Variants in BANK1 observed in about 807,000 individuals in gnomAD.
BANK1 encodes B cell scaffold protein with ankyrin repeats 1, also known as B-cell scaffold protein with ankyrin repeats.
BANK1 carries 95 observed loss-of-function variants against 94.5 expected under a neutral mutation model. That is an observed-to-expected ratio of 1.00 (90% confidence interval 0.85 to 1.19). The LOEUF (loss-of-function observed/expected upper bound fraction) is 1.19. Among genes scored for constraint, BANK1 ranks in the 50% most tolerant of loss-of-function variants. The pLI is 0.00. For synonymous variants in BANK1, 334 were observed against 308.4 expected, an observed-to-expected ratio of 1.08 and a Z score of -0.87; for missense variants, 987 against 932.2, an observed-to-expected ratio of 1.06 and a Z score of -0.77.
intron 1 of BANK1, among the ~76,000 whole-genome samples, chr4:101,811,417 T>A (rs1021690614): frequency 6.6e-6 from 1 of 152,142 alleles, no homozygotes; most frequent in Admixed American, 6.6e-5. Flanking sequence ...ATTTAAAAGC[T>A]ACTCTCTTAT....
intron 2 of BANK1, among the ~76,000 whole-genome samples, chr4:101,853,723 G>C (rs1345568): frequency 0.071 from 10,755 of 152,106 alleles, 604 homozygotes; most frequent in East Asian, 0.18. Context: ...AACTTTTCTG[G>C]TCTGCTTGAG....
At chr4:101,941,253 T>A (rs990582736) in intron 7 of BANK1, among the ~76,000 whole-genome samples, 1 of 151,708 alleles carries the variant, frequency 6.6e-6, no homozygotes, top group Non-Finnish European at 1.5e-5. Context: ...TTTTCAGCAC[T>A]GTGTTTTGTA....
chr4:102,011,222 A>G (rs1468162658), intron 7 of BANK1, among the ~76,000 whole-genome samples: 1 of 152,226 alleles, frequency 6.6e-6, no homozygotes, highest in Non-Finnish European at 1.5e-5. Context: ...GTAGTAGACA[A>G]ATTTCTTCAA....
At chr4:101,936,250 G>A (rs984371085) in intron 7 of BANK1, among the ~76,000 whole-genome samples, 12 of 132,152 alleles carry the variant, frequency 9.1e-5, no homozygotes, top group Admixed American at 6.5e-4. Flanking sequence ...ATACATATAT[G>A]ACACACATAC....
At chr4:101,861,504 G>A (rs528877328) in intron 3 of BANK1, among the ~76,000 whole-genome samples, 1 of 152,032 alleles carries the variant, frequency 6.6e-6, no homozygotes, top group African/African-American at 2.4e-5. Context: ...TAAAAAGAAT[G>A]TTTTATTTTA....
chr4:101,832,558 T>C (rs1022449539), intron 2 of BANK1, among the ~76,000 whole-genome samples: 4 of 152,164 alleles, frequency 2.6e-5, no homozygotes, highest in Admixed American at 2.0e-4. Flanking sequence ...CATGAGTTTC[T>C]CTTTCTCTGT....
chr4:102,031,848 A>G (rs1727327465), intron 10 of BANK1, among the ~76,000 whole-genome samples: 1 of 152,228 alleles, frequency 6.6e-6, no homozygotes, highest in African/African-American at 2.4e-5. Context: ...AGAGATTCAT[A>G]TAAGAAAATT....
At chr4:101,979,107 G>C (rs1037024611) in intron 7 of BANK1, among the ~76,000 whole-genome samples, 11 of 151,878 alleles carry the variant, frequency 7.2e-5, no homozygotes, top group Admixed American at 7.2e-4. Flanking sequence ...ATAAAATAAA[G>C]ATCCAATATA....
chr4:102,062,514 T>C (rs577070558), intron 12 of BANK1: 3 of 152,356 alleles, frequency 2.0e-5, no homozygotes, highest in South Asian at 4.1e-4. Context: ...TACATTTTGC[T>C]TAAAAAGATA....
At chr4:101,813,788 G>T in intron 1 of BANK1, 1 of 827,174 alleles carries the variant, frequency 1.2e-6, no homozygotes. Context: ...TTCTGCGGGT[G>T]GTAGGAGACA....
At position 102,060,308 on chromosome 4, in the gene BANK1, T is replaced by A; in HGVS notation, c.2067T>A (p.Asn689Lys). ...TCCTCCTGCAGGAGAAAGTAAAGAA[T>A]GGGAAAATGTCTATGGATGAAGCTC... ...ELILLQEKVK[N>K]GKMSMDEALE... Residue 689 changes from asparagine to lysine, a missense_variant, in exon 12 of 17, where the codon AAT becomes AAA. Physicochemically the swap from Asn to Lys is moderately conservative, Grantham distance 94. Transcript: ENST00000322953. The A allele has an allele frequency of 1.2e-6, 2 of 1,610,442 alleles. No homozygotes were observed. The highest frequency in any genetic ancestry group is 1.7e-6 in the Non-Finnish European group (2 of 1,178,804).
intron 5 of BANK1, among the ~76,000 whole-genome samples, chr4:101,873,150 G>C (rs181868009): frequency 6.6e-5 from 10 of 152,014 alleles, no homozygotes; most frequent in African/African-American, 2.4e-4. Flanking sequence ...TTTGCCCGTG[G>C]TTCACTCTGA....
intron 5 of BANK1, among the ~76,000 whole-genome samples, chr4:101,893,131 G>A (rs1322707932): frequency 2.0e-5 from 3 of 151,878 alleles, no homozygotes; most frequent in Admixed American, 6.6e-5. Flanking sequence ...TCTATGTGGT[G>A]ACCTTTTTTT....
At chr4:101,985,094 C>G (rs989892944) in intron 7 of BANK1, among the ~76,000 whole-genome samples, 2 of 152,048 alleles carry the variant, frequency 1.3e-5, no homozygotes, top group Non-Finnish European at 2.9e-5. Flanking sequence ...GCTAGAGACC[C>G]AGGAGAGTTG....
intron 7 of BANK1, among the ~76,000 whole-genome samples, chr4:101,936,385 A>G (rs1354211197): frequency 6.7e-6 from 1 of 150,234 alleles, no homozygotes; most frequent in Admixed American, 6.7e-5. Context: ...GCATACATGC[A>G]TACATGCATG....
At chr4:101,939,556 G>C (rs1160840983) in intron 7 of BANK1, among the ~76,000 whole-genome samples, 1 of 151,704 alleles carries the variant, frequency 6.6e-6, no homozygotes, top group Non-Finnish European at 1.5e-5. Context: ...GGGGAGTAGA[G>C]AGACAGAGGT....
At chr4:101,955,481 TC>T (rs1724306122) in intron 7 of BANK1, among the ~76,000 whole-genome samples, 3 of 152,136 alleles carry the variant, frequency 2.0e-5, no homozygotes, top group Admixed American at 2.0e-4. Context: ...TCTTTTTTTT[TC>T]CTTTGATGCC....
intron 1 of BANK1, among the ~76,000 whole-genome samples, chr4:101,799,410 T>G (rs1320854146): frequency 1.3e-5 from 2 of 152,218 alleles, no homozygotes; most frequent in Non-Finnish European, 2.9e-5. Context: ...CCTCCAATTT[T>G]GTTCTTTTGG....
At position 102,067,666 on chromosome 4, in the gene BANK1, AT is replaced by A. The variant is rs201645873; in HGVS notation, c.2213-3605del. Among the ~76,000 whole-genome samples the A allele has an allele frequency of 7.1e-3, 1,083 of 151,970 alleles. 8 individuals carry two copies. The highest frequency in any genetic ancestry group is 0.055 in the Middle Eastern group (16 of 292). ...AAATAATTTTATATTATATATATGA[AT>A]TTTACTAAAACTCCTGAAGCAAAAT... On this transcript the variant is annotated intron_variant, in intron 13 of 16. Coordinates refer to ENST00000322953, the MANE Select transcript of BANK1 (RefSeq NM_017935.5).
Sources: allele counts gnomAD v4.1 joint callset (sites outside exome capture counted in the v4.1 genomes callset), GRCh38; gene constraint gnomAD v4.1.1; transcripts MANE v1.5; gene names NCBI Gene and HGNC (gene_info 2026-07-23, HGNC 2026-07-21).